Variants in GALNT17 observed in about 807,000 individuals in gnomAD.
The protein encoded by GALNT17 is UDP-GalNAc:polypeptide N-acetylgalactosaminyltransferase-like 3.
In GALNT17, 29 loss-of-function variants were observed where a neutral mutation model predicts 63.7. The observed-to-expected ratio is 0.46, with a 90% CI of 0.34 to 0.62. GALNT17 has a LOEUF of 0.62. Among genes scored for constraint, GALNT17 ranks in the 20% least tolerant of loss-of-function variants. The pLI, the probability that GALNT17 is intolerant of heterozygous loss-of-function variation, is 0.01. For missense variants in GALNT17, 603 were observed against 799.6 expected, an observed-to-expected ratio of 0.75 and a Z score of 2.97; for synonymous variants, 305 against 318.3, an observed-to-expected ratio of 0.96 and a Z score of 0.45.
intron 1 of GALNT17, among the ~76,000 whole-genome samples, chr7:71,277,892 A>C (rs1204625053): frequency 1.3e-5 from 2 of 152,216 alleles, no homozygotes; most frequent in African/African-American, 2.4e-5. Flanking sequence ...ACTTACACCA[A>C]GGGGAAGAAA....
intron 5 of GALNT17, among the ~76,000 whole-genome samples, chr7:71,506,688 A>G (rs1169813126): frequency 6.6e-6 from 1 of 152,240 alleles, no homozygotes; most frequent in East Asian, 1.9e-4. Flanking sequence ...AAATCAGGGT[A>G]GTTAGCGTGT....
At chr7:71,413,326 G>A (rs1281036184) in intron 3 of GALNT17, among the ~76,000 whole-genome samples, 3 of 151,884 alleles carry the variant, frequency 2.0e-5, no homozygotes, top group Non-Finnish European at 4.4e-5. Flanking sequence ...GGGGCCATTA[G>A]CCTCATTTAC....
At chr7:71,420,550 T>G (rs2960888) in intron 4 of GALNT17, among the ~76,000 whole-genome samples, 6,271 of 152,206 alleles carry the variant, frequency 0.041, 151 homozygotes, top group South Asian at 0.12. Flanking sequence ...AAAACTGTCA[T>G]GCAATGTGAA....
rs576764535 is a variant in GALNT17, at chr7:71,583,252, G to A, written c.1080+11850G>A. ...TGGGACCACAGGGGCACACCACCAC[G>A]CCCGGCTAATTTTTTGTATTTTTAG... On this transcript the variant is annotated intron_variant, in intron 6 of 10. Transcript: ENST00000333538. Among the ~76,000 whole-genome samples, 317 of 152,122 alleles carry A rather than the reference G, an allele frequency of 2.1e-3. 1 individual carries two copies. Among genetic ancestry groups the A allele is most frequent in the Non-Finnish European group, 3.1e-3 (212 of 68,010 alleles).
At chr7:71,218,594 A>G (rs1290564605) in intron 1 of GALNT17, among the ~76,000 whole-genome samples, 1 of 152,118 alleles carries the variant, frequency 6.6e-6, no homozygotes, top group Non-Finnish European at 1.5e-5. Flanking sequence ...GTGGCCTGTT[A>G]GGAACCTGGC....
chr7:71,603,161 G>C (rs1243639714), intron 6 of GALNT17, among the ~76,000 whole-genome samples: 1 of 147,832 alleles, frequency 6.8e-6, no homozygotes, highest in Non-Finnish European at 1.5e-5. Flanking sequence ...CATATACCAG[G>C]TACTATGTTA....
chr7:71,347,295 A>G (rs1792113391), intron 2 of GALNT17, among the ~76,000 whole-genome samples: 3 of 152,168 alleles, frequency 2.0e-5, no homozygotes, highest in Admixed American at 2.0e-4. Flanking sequence ...CTTTCTAGCT[A>G]TGTGACCTTG....
chr7:71,474,201 G>A lies in GALNT17; in HGVS notation c.962+53096G>A, dbSNP rs796454709. ...TTAGCATGCTAATGCATTATATTTA[G>A]CATATAATGAGCTGTGAGGATGACC... On this transcript the variant is annotated intron_variant, in intron 5 of 10. Transcript: ENST00000333538. Among the ~76,000 whole-genome samples the A allele has an allele frequency of 2.4e-4, 36 of 152,276 alleles. 1 individual carries two copies. The highest frequency in any genetic ancestry group is 8.2e-4 in the African/African-American group (34 of 41,560).
intron 5 of GALNT17, among the ~76,000 whole-genome samples, chr7:71,559,908 A>AC: frequency 6.6e-6 from 1 of 151,972 alleles, no homozygotes; most frequent in Admixed American, 6.6e-5. Context: ...AAAAAAAAAA[A>AC]AATCAGCCAG....
At chr7:71,388,121 A>G in intron 2 of GALNT17, 114 bp from the exon 3 acceptor site, 2 of 1,128,658 alleles carry the variant, frequency 1.8e-6, no homozygotes, top group Non-Finnish European at 2.6e-6. Flanking sequence ...CCAGTGATTC[A>G]CGCCTTGGGA....
intron 1 of GALNT17, among the ~76,000 whole-genome samples, chr7:71,263,901 G>A (rs929794398): frequency 5.9e-5 from 9 of 152,208 alleles, no homozygotes; most frequent in African/African-American, 2.2e-4. Context: ...TCCAGCCTGG[G>A]CGATAGAGCG....
At chr7:71,605,471 A>T (rs1046974067) in intron 6 of GALNT17, among the ~76,000 whole-genome samples, 2 of 151,924 alleles carry the variant, frequency 1.3e-5, no homozygotes, top group African/African-American at 4.8e-5. Flanking sequence ...TTGTAGTCCC[A>T]GCTACTCAGG....
Position 71,287,193 on chromosome 7 carries a change from G to C in GALNT17, c.239-48357G>C, listed in dbSNP as rs1025105277. On this transcript the variant is annotated intron_variant, in intron 1 of 10. Coordinates refer to ENST00000333538, the MANE Select transcript of GALNT17 (RefSeq NM_022479.3). The stretch of plus-strand genomic sequence containing the variant: ...CATCCTCGACCTCCTGAGTTCAAGC[G>C]ATCCTTTCACCCCAGCCTCTTGAGT... Among the ~76,000 whole-genome samples the C allele has an allele frequency of 2.0e-5, 3 of 152,078 alleles. No individual in the cohort carries two copies. In the East Asian group the frequency reaches 5.8e-4, roughly 29 times the overall value.
At chr7:71,340,728 G>C (rs1791992657) in intron 2 of GALNT17, among the ~76,000 whole-genome samples, 1 of 152,116 alleles carries the variant, frequency 6.6e-6, no homozygotes, top group Non-Finnish European at 1.5e-5. Context: ...AGAGCAAATA[G>C]ATATATTAAG....
At chr7:71,530,629 A>T (rs1788704202) in intron 5 of GALNT17, among the ~76,000 whole-genome samples, 1 of 151,858 alleles carries the variant, frequency 6.6e-6, no homozygotes. Context: ...GCTGGAGTGC[A>T]GTGGCGCCAT....
Position 71,415,988 on chromosome 7 carries a change from G to T in GALNT17, c.689G>T (p.Arg230Leu). ...AAGAGGGAAGGCCTGATCCGCGCTC[G>T]CATTGAGGGCTGGAAGGTGGCTACC... ...NQKREGLIRA[R>L]IEGWKVATGQ... The change falls in exon 4 of 11, where the codon CGC becomes CTC. Residue 230 changes from arginine to leucine, a missense_variant. Physicochemically the swap from Arg to Leu is moderately radical, Grantham distance 102. This residue lies in a region of GALNT17 where 336 missense variants were observed against 507.8 expected (regional missense o/e 0.66). Coordinates refer to ENST00000333538, the MANE Select transcript of GALNT17 (RefSeq NM_022479.3). 6.2e-7 allele frequency: 1 copy of T among 1,613,808 alleles called. No individual in the cohort carries two copies. The highest frequency in any genetic ancestry group is 8.5e-7 in the Non-Finnish European group (1 of 1,179,880).
chr7:71,531,915 A>T (rs1416692972), intron 5 of GALNT17, among the ~76,000 whole-genome samples: 1 of 152,216 alleles, frequency 6.6e-6, no homozygotes, highest in African/African-American at 2.4e-5. Context: ...AACCAAGAAC[A>T]ATAATGTAGG....
intron 6 of GALNT17, among the ~76,000 whole-genome samples, chr7:71,616,599 G>C (rs950038465): frequency 2.1e-5 from 3 of 143,446 alleles, no homozygotes; most frequent in African/African-American, 7.6e-5. Context: ...GGCCTTTATT[G>C]GATGTACAGT....
At chr7:71,595,227 G>C (rs1789867817) in intron 6 of GALNT17, among the ~76,000 whole-genome samples, 1 of 152,094 alleles carries the variant, frequency 6.6e-6, no homozygotes, top group African/African-American at 2.4e-5. Flanking sequence ...ATCAAGACCA[G>C]CCTGGACGAC....
Sources: allele counts gnomAD v4.1 joint callset (sites outside exome capture counted in the v4.1 genomes callset), GRCh38; gene constraint gnomAD v4.1.1; regional missense constraint gnomAD v4.1.1; transcripts MANE v1.5; gene names NCBI Gene and HGNC (gene_info 2026-07-23, HGNC 2026-07-21).